BAIAP2L1: variants seen among roughly 807,000 people sequenced by gnomAD.
The protein encoded by BAIAP2L1 is BAR/IMD domain containing adaptor protein 2 like 1, also known as BAR/IMD domain-containing adapter protein 2-like 1.
Under a neutral mutation model 66.3 loss-of-function variants are expected in BAIAP2L1, and 35 were observed. The observed-to-expected ratio is 0.53, with a 90% confidence interval of 0.40 to 0.70. BAIAP2L1 has a LOEUF of 0.70. Among genes scored for constraint, BAIAP2L1 ranks in the 30% least tolerant of loss-of-function variants. BAIAP2L1 has a pLI of 0.00. For synonymous variants in BAIAP2L1, 269 were observed against 248.7 expected, an observed-to-expected ratio of 1.08 and a Z score of -0.77; for missense variants, 622 against 656.9, an observed-to-expected ratio of 0.95 and a Z score of 0.58.
chr7:98,386,401 G>A (rs375775493), intron 1 of BAIAP2L1: 5 of 1,592,236 alleles, frequency 3.1e-6, no homozygotes, highest in East Asian at 2.2e-5. Flanking sequence ...CGACCCTTGA[G>A]ACCATCAGAT....
chr7:98,341,838 T>G (rs1801747732), intron 3 of BAIAP2L1, among the ~76,000 whole-genome samples: 1 of 152,100 alleles, frequency 6.6e-6, no homozygotes, highest in Non-Finnish European at 1.5e-5. Context: ...CTTTGCTATT[T>G]TTGTGGAAGA....
intron 1 of BAIAP2L1, among the ~76,000 whole-genome samples, chr7:98,363,027 CTTTTTTTTTTTT>C (rs71537235): frequency 4.0e-5 from 3 of 75,582 alleles, no homozygotes; most frequent in African/African-American, 9.1e-5. Flanking sequence ...GGCATTTTTT[CTTTTTTTTTTTT>C]TTTTTTTTTT....
chr7:98,339,308 T>C (rs1801684609), intron 3 of BAIAP2L1, among the ~76,000 whole-genome samples: 1 of 152,210 alleles, frequency 6.6e-6, no homozygotes, highest in Non-Finnish European at 1.5e-5. Context: ...TTGTGGCCAC[T>C]CTATTGGGTG....
intron 3 of BAIAP2L1, among the ~76,000 whole-genome samples, chr7:98,352,400 G>T (rs1455533152): frequency 1.3e-5 from 2 of 152,196 alleles, no homozygotes; most frequent in African/African-American, 4.8e-5. Context: ...CTAGCATTTT[G>T]AGAGGCGTAG....
intron 1 of BAIAP2L1, among the ~76,000 whole-genome samples, chr7:98,379,884 G>A (rs534601281): frequency 2.0e-5 from 3 of 152,306 alleles, no homozygotes; most frequent in East Asian, 1.9e-4. Context: ...AAATCTATTA[G>A]TGGTTGCCTG....
intron 1 of BAIAP2L1, among the ~76,000 whole-genome samples, chr7:98,385,241 G>A (rs1000787605): frequency 1.3e-5 from 2 of 151,882 alleles, no homozygotes; most frequent in African/African-American, 4.8e-5. Context: ...CCAGGAGGCG[G>A]AGGCTGCAGT....
At chr7:98,311,310 G>A (rs991083908) in intron 8 of BAIAP2L1, among the ~76,000 whole-genome samples, 15 of 152,076 alleles carry the variant, frequency 9.9e-5, no homozygotes, top group Non-Finnish European at 1.9e-4. Context: ...TTGGGAGGCC[G>A]AGGTGGGCGG....
chr7:98,369,671 T>A (rs1251468766), intron 1 of BAIAP2L1, among the ~76,000 whole-genome samples: 8 of 132,778 alleles, frequency 6.0e-5, no homozygotes, highest in African/African-American at 1.9e-4. Flanking sequence ...TAATTTTTTT[T>A]TTTTTTTTTT....
chr7:98,297,106 A>G (rs1800224245), intron 12 of BAIAP2L1, among the ~76,000 whole-genome samples: 3 of 152,344 alleles, frequency 2.0e-5, no homozygotes, highest in Admixed American at 6.5e-5. Context: ...AGCCACTACG[A>G]GAGTGGTTGG....
chr7:98,347,905 C>T (rs546573953), intron 3 of BAIAP2L1, among the ~76,000 whole-genome samples: 3 of 152,104 alleles, frequency 2.0e-5, no homozygotes, highest in South Asian at 2.1e-4. Context: ...AACCAAACAC[C>T]GCATGTTCTC....
rs561979528 is a variant in BAIAP2L1 at position 98,328,704 on chromosome 7, A to G, written c.215-8406T>C. 1.2e-4 allele frequency among the ~76,000 whole-genome samples: 18 copies of G among 151,334 alleles called. No homozygotes were observed. The East Asian group carries it at 3.5e-3, about 29-fold the overall frequency. Reference sequence around the variant, plus strand: ...CAAAAAAAAAAAAAAAAAAAAATTCATGATACACACCAACAAAAATGTGCC... The same window carrying G: ...CAAAAAAAAAAAAAAAAAAAAATTCGTGATACACACCAACAAAAATGTGCC... On this transcript the variant is annotated intron_variant, in intron 3 of 13. Transcript: ENST00000005260.
intron 8 of BAIAP2L1, 36 bp downstream of exon 8, chr7:98,312,061 C>T (rs201016025): frequency 7.7e-6 from 12 of 1,553,590 alleles, no homozygotes; most frequent in East Asian, 2.3e-5. Flanking sequence ...TTAGGAAACA[C>T]ACGATTGAAA....
At chr7:98,294,768 C>T (rs1800115883) in intron 12 of BAIAP2L1, among the ~76,000 whole-genome samples, 3 of 152,210 alleles carry the variant, frequency 2.0e-5, no homozygotes, top group South Asian at 4.1e-4. Context: ...GGCTTTGGGG[C>T]TGCTAGAGCC....
At chr7:98,293,984 C>T (rs1167646423) in intron 13 of BAIAP2L1, 90 bp downstream of exon 13, 5 of 1,437,534 alleles carry the variant, frequency 3.5e-6, no homozygotes, top group Non-Finnish European at 4.9e-6. Context: ...AGGCTGGACC[C>T]CCTGGGCTGG....
chr7:98,336,509 G>C (rs11769950), intron 3 of BAIAP2L1, among the ~76,000 whole-genome samples: 38,221 of 152,088 alleles, frequency 0.25, 5,063 homozygotes, highest in East Asian at 0.45. Flanking sequence ...CCAGCTACTT[G>C]GGAGGCTGAG....
At chr7:98,320,169 T>G (rs747044626) in intron 4 of BAIAP2L1, 40 bp from the exon 5 acceptor site, 8 of 1,594,586 alleles carry the variant, frequency 5.0e-6, no homozygotes, top group Non-Finnish European at 4.3e-6. Flanking sequence ...AGGTTTGAGA[T>G]TTTAAGCAAA....
chr7:98,292,373 T>A lies in BAIAP2L1; in HGVS notation c.*1148A>T, dbSNP rs1800001931. 1 of 445,586 alleles carries A rather than the reference T, an allele frequency of 2.2e-6. No individual in the cohort carries two copies. The highest frequency in any genetic ancestry group is 2.0e-5 in the African/African-American group (1 of 49,540). The allele number at this position is 445,586 out of a possible 1,614,324, so 27.6% of individuals were successfully genotyped here. ...AGTGGCGCCCACCACCACACCTGTC[T>A]AATTTTTGTATTTTTAGTAGAGACT... On this transcript the variant is annotated 3_prime_UTR_variant, in exon 14 of 14. Coordinates refer to ENST00000005260, the MANE Select transcript of BAIAP2L1 (RefSeq NM_018842.5).
rs746282005 is a variant in BAIAP2L1 at position 98,306,471 on chromosome 7, A to G, written c.1209T>C (p.Asn403=). Reference sequence around the variant, plus strand: ...TGGGCACGGTCACTGCTTCTGTCTCATTTTCTTCCAGCAACTTCGTGTACG... The same window carrying G: ...TGGGCACGGTCACTGCTTCTGTCTCGTTTTCTTCCAGCAACTTCGTGTACG... ...PSSYTKLLEE[N]ETEAVTVPTP... Residue 403 remains asparagine (N), a synonymous_variant, in exon 11 of 14, where the codon AAT becomes AAC. Coordinates refer to ENST00000005260, the MANE Select transcript of BAIAP2L1 (RefSeq NM_018842.5). 4 of 1,613,836 alleles carry G rather than the reference A, an allele frequency of 2.5e-6. No individual in the cohort carries two copies. Among genetic ancestry groups the G allele is most frequent in the Non-Finnish European group, 3.4e-6 (4 of 1,180,006 alleles).
At chr7:98,293,678 G>T in intron 13 of BAIAP2L1, 82 bp from the exon 14 acceptor site, 1 of 1,390,072 alleles carries the variant, frequency 7.2e-7, no homozygotes, top group South Asian at 1.2e-5. Context: ...ACCCGTTCTT[G>T]CCCTGTGAGA....
Sources: gnomAD v4.1 joint callset for allele counts (sites outside exome capture counted in the v4.1 genomes callset) on GRCh38, gnomAD v4.1.1 for gene constraint, MANE v1.5 for transcripts, NCBI Gene and HGNC (gene_info 2026-07-23, HGNC 2026-07-21) for gene names.